The following C17orf67 variants were observed in gnomAD, a reference collection of about 807,000 sequenced individuals.
C17orf67 encodes uncharacterized protein C17orf67.
A neutral mutation model predicts 11.2 loss-of-function variants in C17orf67; 12 were observed. The observed-to-expected ratio is 1.07, with a 90% CI of 0.68 to 1.73. C17orf67 has a LOEUF of 1.73. Ranked by LOEUF, C17orf67 falls within the 40% of genes most tolerant of loss-of-function variation. C17orf67 has a pLI of 0.00. For synonymous variants in C17orf67, 59 were observed against 46.9 expected, an observed-to-expected ratio of 1.26 and a Z score of -1.05; for missense variants, 115 against 113.5, an observed-to-expected ratio of 1.01 and a Z score of -0.06.
chr17:56,815,680 A>T (rs1019596786), intron 5 of C17orf67, 76 bp downstream of exon 5: 15 of 1,260,342 alleles, frequency 1.2e-5, no homozygotes, highest in African/African-American at 3.0e-5. Flanking sequence ...ATTTAAAATT[A>T]AAAAATTAAA....
chr17:56,823,767 A>G (rs368787394), intron 4 of C17orf67, among the ~76,000 whole-genome samples: 363 of 152,378 alleles, frequency 2.4e-3, no homozygotes, highest in African/African-American at 8.2e-3. Flanking sequence ...ACAGATGTTT[A>G]TAACAGTTTT....
chr17:56,821,249 C>T (rs544863294), intron 4 of C17orf67, among the ~76,000 whole-genome samples: 4 of 152,054 alleles, frequency 2.6e-5, no homozygotes, highest in South Asian at 2.1e-4. Context: ...TATAATGTGT[C>T]GACATTTTTT....
intron 4 of C17orf67, among the ~76,000 whole-genome samples, 191 bp from the exon 5 acceptor site, chr17:56,816,201 A>G (rs1905758631): frequency 6.6e-6 from 1 of 152,232 alleles, no homozygotes; most frequent in African/African-American, 2.4e-5. Flanking sequence ...TGTATCTTTT[A>G]GGACATTTTT....
intron 4 of C17orf67, among the ~76,000 whole-genome samples, chr17:56,817,946 T>A (rs1318476419): frequency 6.6e-6 from 1 of 151,678 alleles, no homozygotes; most frequent in South Asian, 2.1e-4. Flanking sequence ...CAGGCTTAAG[T>A]GATCTTCCTA....
rs1360805431 is a variant in C17orf67 at position 56,833,777 on chromosome 17, G to C, written c.-1161C>G. 1 of 151,904 alleles carries C rather than the reference G, an allele frequency of 6.6e-6. No individual in the cohort carries two copies. The highest frequency in any genetic ancestry group is 1.5e-5 in the Non-Finnish European group (1 of 67,930). The allele number at this position is 151,904 out of a possible 1,614,324, so 9.4% of individuals were successfully genotyped here. Reference sequence around the variant, plus strand: ...TGTCTGCGCCGAGCGGCGGGCGTGAGCGCGGCCCCTGGGCCCCGCGCGGCG... The same window carrying C: ...TGTCTGCGCCGAGCGGCGGGCGTGACCGCGGCCCCTGGGCCCCGCGCGGCG... On this transcript the variant is annotated 5_prime_UTR_variant, in exon 1 of 8. Transcript: ENST00000397861.
At position 56,795,062 on chromosome 17, in the gene C17orf67, C is replaced by G; in HGVS notation, c.*2G>C. On this transcript the variant is annotated 3_prime_UTR_variant, in exon 7 of 8. Coordinates refer to ENST00000397861, the MANE Select transcript of C17orf67 (RefSeq NM_001085430.4). ...GACGTACCGAGGCTGGTCCTGATCC[C>G]CTTACACAGGATGAATCCTGTTCCT... 6.2e-7 allele frequency: 1 copy of G among 1,613,088 alleles called. No individual in the cohort carries two copies. Among genetic ancestry groups the G allele is most frequent in the Non-Finnish European group, 8.5e-7 (1 of 1,179,226 alleles).
chr17:56,811,429 C>T (rs1040438794), intron 6 of C17orf67, among the ~76,000 whole-genome samples: 8 of 152,142 alleles, frequency 5.3e-5, no homozygotes, highest in African/African-American at 1.9e-4. Context: ...TGGGCACCTC[C>T]TCTGGGAAGC....
At chr17:56,811,434 GGAAGCC>G (rs1905622214) in intron 6 of C17orf67, among the ~76,000 whole-genome samples, 3 of 152,020 alleles carry the variant, frequency 2.0e-5, no homozygotes, top group Admixed American at 6.5e-5. Flanking sequence ...ACCTCCTCTG[GGAAGCC>G]TTCCCAGCCT....
At chr17:56,801,596 T>C (rs1302503034) in intron 6 of C17orf67, among the ~76,000 whole-genome samples, 1 of 152,182 alleles carries the variant, frequency 6.6e-6, no homozygotes, top group Non-Finnish European at 1.5e-5. Context: ...ATTTAACTCA[T>C]CAAAATACAC....
At chr17:56,801,544 C>G (rs1905322230) in intron 6 of C17orf67, among the ~76,000 whole-genome samples, 1 of 151,990 alleles carries the variant, frequency 6.6e-6, no homozygotes, top group Non-Finnish European at 1.5e-5. Flanking sequence ...TCCCCCAAGA[C>G]CCATGCAGTT....
Position 56,815,856 on chromosome 17 carries a change from T to A in C17orf67, c.-46A>T. 3 of 1,612,406 alleles carry A rather than the reference T, an allele frequency of 1.9e-6. No individual in the cohort carries two copies. The highest frequency in any genetic ancestry group is 2.5e-6 in the Non-Finnish European group (3 of 1,179,012). On this transcript the variant is annotated 5_prime_UTR_variant, in exon 5 of 8. Transcript: ENST00000397861. ...TCTTGCTGAGTGAATCCTCCCAGAC[T>A]GAGTCAGCCAACTTGAAGGAAGCCA...
At chr17:56,797,895 G>A (rs958178605) in intron 6 of C17orf67, among the ~76,000 whole-genome samples, 8 of 152,124 alleles carry the variant, frequency 5.3e-5, no homozygotes, top group Admixed American at 3.9e-4. Context: ...TATAAGTGAT[G>A]CATAAAACAG....
rs10684052 is a variant in C17orf67, at chr17:56,805,971, C to CTTTT, written c.156+8894_156+8897dup. ...AGGGACAGGACTACAGTTGATTTTCCTTTTTTTTTTTTTTTTTTTTTGAGA... is the reference window on the plus strand; with the variant it reads ...AGGGACAGGACTACAGTTGATTTTCCTTTTTTTTTTTTTTTTTTTTTTTTTGAGA... On this transcript the variant is annotated intron_variant, in intron 6 of 7. Transcript: ENST00000397861. 5.6e-3 allele frequency among the ~76,000 whole-genome samples: 550 copies of CTTTT among 97,892 alleles called. 13 individuals carry two copies. The highest frequency in any genetic ancestry group is 9.8e-3 in the Middle Eastern group (1 of 102). 64.2% of individuals were successfully genotyped at this position (97,892 alleles called of 152,430 possible). A position where few individuals can be genotyped will look rare whatever the true frequency, so the allele number is the denominator to read the frequency against.
intron 6 of C17orf67, among the ~76,000 whole-genome samples, chr17:56,800,508 C>G (rs986775897): frequency 2.0e-5 from 3 of 152,192 alleles, no homozygotes. Context: ...ATCTCCTGAG[C>G]CTCTTCTCTC....
In C17orf67 at chr17:56,833,288, C is replaced by A; in HGVS notation, c.-947G>T. 6.5e-6 allele frequency: 1 copy of A among 154,922 alleles called. No homozygotes were observed. The highest frequency in any genetic ancestry group is 1.7e-4 in the South Asian group (1 of 5,734). 9.6% of individuals were successfully genotyped at this position (154,922 alleles called of 1,614,324 possible). A position where few individuals can be genotyped will look rare whatever the true frequency, so the allele number is the denominator to read the frequency against. The stretch of plus-strand genomic sequence containing the variant: ...AGCCCGCGTGGTCGCGGCTCAGGTC[C>A]GTGTTGGGCTGGTAGGACTCCAGCG... On this transcript the variant is annotated 5_prime_UTR_variant, in exon 2 of 8. Transcript: ENST00000397861.
intron 4 of C17orf67, among the ~76,000 whole-genome samples, chr17:56,822,441 T>A (rs1215874537): frequency 2.6e-5 from 4 of 152,244 alleles, no homozygotes; most frequent in African/African-American, 7.2e-5. Context: ...CTGAGTGACA[T>A]TGGGGAAATT....
intron 4 of C17orf67, among the ~76,000 whole-genome samples, chr17:56,819,205 T>G (rs1303775118): frequency 6.6e-6 from 1 of 152,186 alleles, no homozygotes; most frequent in African/African-American, 2.4e-5. Context: ...TCACTCACTT[T>G]CAGCTTAACA....
chr17:56,818,614 T>C (rs1479235348), intron 4 of C17orf67, among the ~76,000 whole-genome samples: 1 of 152,188 alleles, frequency 6.6e-6, no homozygotes. Context: ...AAACAACATA[T>C]GTAATTTAAA....
intron 6 of C17orf67, among the ~76,000 whole-genome samples, chr17:56,805,606 C>A (rs1357317876): frequency 1.3e-5 from 2 of 152,086 alleles, no homozygotes; most frequent in African/African-American, 4.8e-5. Flanking sequence ...TTTTGGAAAG[C>A]AATTCAATAA....
Sources: gnomAD v4.1 joint callset for allele counts (sites outside exome capture counted in the v4.1 genomes callset) on GRCh38, gnomAD v4.1.1 for gene constraint, MANE v1.5 for transcripts, NCBI Gene and HGNC (gene_info 2026-07-23, HGNC 2026-07-21) for gene names.